The following SORCS2 variants were observed in gnomAD, a reference collection of about 807,000 sequenced individuals.
The protein encoded by SORCS2 is sortilin related VPS10 domain containing receptor 2, also known as VPS10 domain-containing receptor SorCS2.
In SORCS2, 100 loss-of-function variants were observed where a neutral mutation model predicts 141.6. The observed-to-expected ratio is 0.71, with a 90% CI of 0.60 to 0.83. The LOEUF (loss-of-function observed/expected upper bound fraction) is 0.83. Ranked by LOEUF, SORCS2 falls within the 40% of genes least tolerant of loss-of-function variation. The pLI, the probability that SORCS2 is intolerant of heterozygous loss-of-function variation, is 0.00. For missense variants in SORCS2, 1,646 were observed against 1,560.2 expected (o/e 1.05, Z -0.93); for synonymous variants, 789 against 676.9 (o/e 1.17, Z -2.57).
Position 7,426,038 on chromosome 4 carries a change from C to T in SORCS2, c.548+29683C>T, listed in dbSNP as rs572108876. ...GGGCCAGCCCCTGGGTCTTCTGCCC[C>T]GGGATGCTGGAGGCGTGGGCAGTGT... On this transcript the variant is annotated intron_variant, in intron 2 of 26. Transcript: ENST00000507866. Among the ~76,000 whole-genome samples the T allele has an allele frequency of 1.2e-4, 18 of 152,274 alleles. No homozygotes were observed. In the South Asian group the frequency reaches 2.1e-3, roughly 18 times the overall value.
At chr4:7,537,311 C>T (rs893254981) in intron 3 of SORCS2, among the ~76,000 whole-genome samples, 5 of 152,176 alleles carry the variant, frequency 3.3e-5, no homozygotes, top group East Asian at 1.9e-4. Context: ...TCTCCCAGGG[C>T]GATCCTCTGG....
At chr4:7,727,039 G>A in intron 21 of SORCS2, 136 bp downstream of exon 21, 3 of 1,147,778 alleles carry the variant, frequency 2.6e-6, no homozygotes, top group Non-Finnish European at 3.6e-6. Context: ...GGAGGGGCTG[G>A]ATAAACAGAG....
intron 25 of SORCS2, among the ~76,000 whole-genome samples, chr4:7,735,764 C>T (rs1450630254): frequency 6.6e-6 from 1 of 152,178 alleles, no homozygotes; most frequent in East Asian, 1.9e-4. Context: ...AAAGCTGGTG[C>T]TGAGCAAATG....
intron 1 of SORCS2, among the ~76,000 whole-genome samples, chr4:7,335,165 T>C (rs548411064): frequency 6.6e-6 from 1 of 152,296 alleles, no homozygotes; most frequent in South Asian, 2.1e-4. Context: ...GTGTTAGAAA[T>C]TCTGAGTATC....
chr4:7,350,195 C>A (rs1342478947), intron 1 of SORCS2, among the ~76,000 whole-genome samples: 1 of 152,216 alleles, frequency 6.6e-6, no homozygotes, highest in Non-Finnish European at 1.5e-5. Flanking sequence ...GTGCGAATTT[C>A]CCTGAAGGGA....
At chr4:7,303,905 G>T (rs73208443) in intron 1 of SORCS2, among the ~76,000 whole-genome samples, 4 of 152,188 alleles carry the variant, frequency 2.6e-5, no homozygotes, top group Non-Finnish European at 5.9e-5. Context: ...GATGGCAGGG[G>T]CCTGAGGGGC....
At chr4:7,598,531 G>A (rs1280121215) in intron 3 of SORCS2, among the ~76,000 whole-genome samples, 1 of 152,166 alleles carries the variant, frequency 6.6e-6, no homozygotes, top group East Asian at 1.9e-4. Context: ...TCCTATGGGT[G>A]GATGGATAGA....
intron 2 of SORCS2, among the ~76,000 whole-genome samples, chr4:7,504,187 G>A (rs903026546): frequency 2.6e-5 from 4 of 152,320 alleles, no homozygotes; most frequent in Non-Finnish European, 5.9e-5. Flanking sequence ...ATCACACACC[G>A]GGATCCTCAC....
chr4:7,503,008 C>A (rs561064316), intron 2 of SORCS2, among the ~76,000 whole-genome samples: 2 of 152,198 alleles, frequency 1.3e-5, no homozygotes, highest in Non-Finnish European at 2.9e-5. Flanking sequence ...CCCGATTTCA[C>A]GTTTTAAAAT....
intron 2 of SORCS2, among the ~76,000 whole-genome samples, chr4:7,458,458 G>A (rs4234810): frequency 0.88 from 134,391 of 152,048 alleles, 59,770 homozygotes; most frequent in Middle Eastern, 0.95. Context: ...TGGGGAAACC[G>A]TGGAGAATTC....
intron 2 of SORCS2, among the ~76,000 whole-genome samples, chr4:7,528,140 G>A (rs543868090): frequency 1.8e-4 from 27 of 151,606 alleles, no homozygotes; most frequent in Admixed American, 1.7e-3. Flanking sequence ...TCCAGCCTCA[G>A]TGTAGTGATG....
chr4:7,361,299 G>A (rs187064340), intron 1 of SORCS2, among the ~76,000 whole-genome samples: 71 of 152,336 alleles, frequency 4.7e-4, no homozygotes, highest in Admixed American at 4.5e-3. Context: ...ATGAGCCTGT[G>A]TCCCTGACGC....
chr4:7,609,462 C>A (rs1381174102), intron 3 of SORCS2, among the ~76,000 whole-genome samples: 2 of 152,210 alleles, frequency 1.3e-5, no homozygotes, highest in African/African-American at 2.4e-5. Context: ...CAGCCCTCGT[C>A]AACTGCCAAT....
At chr4:7,733,085 A>G (rs1297826030) in intron 23 of SORCS2, among the ~76,000 whole-genome samples, 1 of 67,498 alleles carries the variant, frequency 1.5e-5, no homozygotes, top group African/African-American at 6.0e-5. Context: ...CCTCCCCCCT[A>G]GTGGAGGACA....
intron 18 of SORCS2, among the ~76,000 whole-genome samples, chr4:7,723,413 C>A (rs79426999): frequency 8.9e-4 from 136 of 152,264 alleles, no homozygotes; most frequent in African/African-American, 3.2e-3. Flanking sequence ...TGATGACACC[C>A]TTGGGCCTCT....
intron 1 of SORCS2, among the ~76,000 whole-genome samples, chr4:7,358,102 G>A (rs1053515265): frequency 3.9e-5 from 6 of 152,170 alleles, no homozygotes; most frequent in South Asian, 2.1e-4. Context: ...TCATGGATGC[G>A]GAATCTGTTT....
intron 3 of SORCS2, among the ~76,000 whole-genome samples, chr4:7,565,795 T>C (rs998704338): frequency 1.1e-4 from 16 of 150,040 alleles, no homozygotes; most frequent in Non-Finnish European, 2.4e-4. Flanking sequence ...ATGGATATGA[T>C]GATGATGGTG....
chr4:7,531,215 G>T (rs1463196647), intron 2 of SORCS2, among the ~76,000 whole-genome samples: 3 of 152,208 alleles, frequency 2.0e-5, no homozygotes, highest in Non-Finnish European at 4.4e-5. Context: ...TGGTAACCTA[G>T]AGCTGCCCGG....
intron 2 of SORCS2, among the ~76,000 whole-genome samples, chr4:7,497,976 A>T (rs4234822): frequency 1.1e-4 from 16 of 152,374 alleles, no homozygotes; most frequent in African/African-American, 3.4e-4. Flanking sequence ...GGTGATGGAG[A>T]AGGAAGGTGC....
Sources: gnomAD v4.1 joint callset for allele counts (sites outside exome capture counted in the v4.1 genomes callset) on GRCh38, gnomAD v4.1.1 for gene constraint, MANE v1.5 for transcripts, NCBI Gene and HGNC (gene_info 2026-07-23, HGNC 2026-07-21) for gene names.